Variants in MSRA observed in about 807,000 individuals in gnomAD.
MSRA encodes the protein methionine sulfoxide reductase A.
A neutral mutation model predicts 31.3 loss-of-function variants in MSRA; 54 were observed. The ratio of observed to expected loss-of-function variants is 1.73; its 90% CI spans 1.39 to 2.17. The LOEUF is 2.17. MSRA is among the 30% of genes most tolerant of loss of function. MSRA has a pLI of 0.00. For synonymous variants in MSRA, 169 were observed against 116.5 expected, an observed-to-expected ratio of 1.45 and a Z score of -2.90; for missense variants, 507 against 300.9, an observed-to-expected ratio of 1.69 and a Z score of -5.07.
chr8:10,350,079 C>A (rs564134227), intron 5 of MSRA, among the ~76,000 whole-genome samples: 1 of 152,240 alleles, frequency 6.6e-6, no homozygotes, highest in African/African-American at 2.4e-5. Flanking sequence ...ACTTTCCATT[C>A]TCCAGCTGGG....
At chr8:10,063,066 C>G (rs1050430202) in intron 1 of MSRA, among the ~76,000 whole-genome samples, 3 of 152,164 alleles carry the variant, frequency 2.0e-5, no homozygotes, top group African/African-American at 7.2e-5. Context: ...ATACGAGATG[C>G]TGTAAGCCTG....
At chr8:10,419,366 G>A (rs1808676151) in intron 5 of MSRA, among the ~76,000 whole-genome samples, 1 of 152,174 alleles carries the variant, frequency 6.6e-6, no homozygotes, top group Non-Finnish European at 1.5e-5. Context: ...TAAGGCATGT[G>A]AATTTGAATA....
At chr8:10,246,889 C>T (rs1450840980) in intron 3 of MSRA, among the ~76,000 whole-genome samples, 1 of 152,030 alleles carries the variant, frequency 6.6e-6, no homozygotes, top group East Asian at 1.9e-4. Context: ...CAAATGAATC[C>T]TGGAGATCAC....
intron 5 of MSRA, among the ~76,000 whole-genome samples, chr8:10,427,914 A>T (rs1809284750): frequency 6.6e-6 from 1 of 152,164 alleles, no homozygotes; most frequent in Non-Finnish European, 1.5e-5. Flanking sequence ...TAAGTTACTG[A>T]TTTAAAAATC....
intron 2 of MSRA, among the ~76,000 whole-genome samples, chr8:10,238,229 G>A (rs1812117524): frequency 2.0e-5 from 3 of 152,174 alleles, no homozygotes; most frequent in African/African-American, 7.2e-5. Context: ...ATGGGTGAGT[G>A]CCTCACTGCC....
chr8:10,133,855 G>C (rs1802073523), intron 1 of MSRA, among the ~76,000 whole-genome samples: 1 of 152,026 alleles, frequency 6.6e-6, no homozygotes, highest in Non-Finnish European at 1.5e-5. Context: ...TTTTGAGATG[G>C]AGTCTCGCTC....
intron 1 of MSRA, among the ~76,000 whole-genome samples, chr8:10,066,979 C>A (rs1797484357): frequency 6.6e-6 from 1 of 151,776 alleles, no homozygotes; most frequent in East Asian, 1.9e-4. Flanking sequence ...TAACGTCTTG[C>A]TTTAGTTACA....
intron 2 of MSRA, among the ~76,000 whole-genome samples, chr8:10,231,391 A>G (rs1219955978): frequency 1.3e-5 from 2 of 152,232 alleles, no homozygotes; most frequent in African/African-American, 2.4e-5. Flanking sequence ...CTGTGAAAAC[A>G]GAGACAGAAG....
chr8:10,310,115 T>G (rs902957426), intron 4 of MSRA, among the ~76,000 whole-genome samples: 2 of 152,234 alleles, frequency 1.3e-5, no homozygotes, highest in African/African-American at 2.4e-5. Flanking sequence ...GTCACCAGTT[T>G]TGAAGGACTA....
At chr8:10,261,093 C>G (rs528969075) in intron 3 of MSRA, among the ~76,000 whole-genome samples, 3 of 151,978 alleles carry the variant, frequency 2.0e-5, no homozygotes, top group South Asian at 4.1e-4. Flanking sequence ...AAAAGTAATT[C>G]TTGCTAGATA....
chr8:10,251,899 A>G (rs1250031225), intron 3 of MSRA, among the ~76,000 whole-genome samples: 2 of 151,294 alleles, frequency 1.3e-5, no homozygotes, highest in Admixed American at 1.3e-4. Flanking sequence ...ACGTCAAGGC[A>G]TTTGAGACCT....
At chr8:10,204,355 C>T (rs1312621960) in intron 1 of MSRA, among the ~76,000 whole-genome samples, 1 of 152,228 alleles carries the variant, frequency 6.6e-6, no homozygotes, top group East Asian at 1.9e-4. Flanking sequence ...CACTCATTGA[C>T]TTACCCAGAG....
At chr8:10,151,698 G>T (rs1803695622) in intron 1 of MSRA, among the ~76,000 whole-genome samples, 1 of 152,136 alleles carries the variant, frequency 6.6e-6, no homozygotes. Flanking sequence ...AAAGGGCGTT[G>T]AGTGCTTGGG....
chr8:10,305,696 AG>A lies in MSRA; in HGVS notation c.436+4060del, dbSNP rs770085688. ...CCAAGTGCTGGGATTACAGGCCACAAGGCATGAACCACTGTGCCTAGCCTTC... is the reference window on the plus strand; with the variant it reads ...CCAAGTGCTGGGATTACAGGCCACAAGCATGAACCACTGTGCCTAGCCTTC... On this transcript the variant is annotated intron_variant, in intron 4 of 5. Transcript: ENST00000317173. 7.9e-5 allele frequency among the ~76,000 whole-genome samples: 12 copies of A among 152,286 alleles called. 1 individual carries two copies. The highest frequency in any genetic ancestry group is 6.5e-5 in the Admixed American group (1 of 15,294).
At chr8:10,148,088 C>T (rs1354348816) in intron 1 of MSRA, among the ~76,000 whole-genome samples, 20 of 152,014 alleles carry the variant, frequency 1.3e-4, no homozygotes, top group Admixed American at 2.0e-4. Flanking sequence ...AGCGAGCACT[C>T]GGAGGCAGTG....
At chr8:10,345,251 G>A (rs1440429486) in intron 5 of MSRA, among the ~76,000 whole-genome samples, 3 of 152,200 alleles carry the variant, frequency 2.0e-5, no homozygotes, top group African/African-American at 7.2e-5. Context: ...ACCAGGAGGT[G>A]TGATTTGTCG....
At chr8:10,256,331 C>T (rs943843784) in intron 3 of MSRA, among the ~76,000 whole-genome samples, 1 of 152,150 alleles carries the variant, frequency 6.6e-6, no homozygotes, top group African/African-American at 2.4e-5. Context: ...AATAATATTC[C>T]ATGGCCTGGA....
intron 1 of MSRA, among the ~76,000 whole-genome samples, chr8:10,170,283 G>C (rs116227924): frequency 3.3e-5 from 5 of 152,086 alleles, no homozygotes; most frequent in Admixed American, 6.5e-5. Flanking sequence ...GTGGGGCCTC[G>C]GGAGATGATT....
rs779978339 is a variant in MSRA at position 10,054,667 on chromosome 8, T to A, written c.142+9T>A. 1 of 1,511,600 alleles carries A rather than the reference T, an allele frequency of 6.6e-7. No homozygotes were observed. The highest frequency in any genetic ancestry group is 2.7e-5 in the East Asian group (1 of 36,450). 93.6% of individuals were successfully genotyped at this position (1,511,600 alleles called of 1,614,324 possible). On this transcript the variant is annotated intron_variant, in intron 1 of 5. Coordinates refer to ENST00000317173, the MANE Select transcript of MSRA (RefSeq NM_012331.5). Reference sequence around the variant, plus strand: ...ACAGACCCCTGTAGCGGGTAAGCACTGGCCACACGGAAGGCGCGGGCGGCG... The same window carrying A: ...ACAGACCCCTGTAGCGGGTAAGCACAGGCCACACGGAAGGCGCGGGCGGCG...
Sources: allele counts gnomAD v4.1 joint callset (sites outside exome capture counted in the v4.1 genomes callset), GRCh38; gene constraint gnomAD v4.1.1; transcripts MANE v1.5; gene names NCBI Gene and HGNC (gene_info 2026-07-23, HGNC 2026-07-21).